The following CALCR variants were observed in gnomAD, a reference collection of about 807,000 sequenced individuals.
The protein encoded by CALCR is calcitonin receptor.
In CALCR, 47 loss-of-function variants were observed where a neutral mutation model predicts 59.5. That is an observed-to-expected ratio of 0.79 (90% CI 0.63 to 1.01). The LOEUF (loss-of-function observed/expected upper bound fraction) is 1.01, where lower values mean the gene tolerates loss of function less well. CALCR is among the 50% of genes least tolerant of loss of function. The probability of loss-of-function intolerance (pLI) is 0.00; values close to 1 mark genes in which losing one functional copy is unlikely to be tolerated. For synonymous variants in CALCR, 213 were observed against 211.3 expected (o/e 1.01, Z -0.07); for missense variants, 566 against 597.1 (o/e 0.95, Z 0.54).
At chr7:93,558,226 C>T (rs1789656303) in intron 2 of CALCR, among the ~76,000 whole-genome samples, 1 of 151,136 alleles carries the variant, frequency 6.6e-6, no homozygotes, top group South Asian at 2.1e-4. Flanking sequence ...ATCCTTCTAC[C>T]TACTGCCTTG....
At chr7:93,526,338 T>C (rs1801876563) in intron 2 of CALCR, among the ~76,000 whole-genome samples, 1 of 152,114 alleles carries the variant, frequency 6.6e-6, no homozygotes, top group African/African-American at 2.4e-5. Flanking sequence ...ATCACACTGT[T>C]ACTTGTCCTT....
chr7:93,474,024 T>C (rs937365572), intron 5 of CALCR, among the ~76,000 whole-genome samples: 4 of 151,716 alleles, frequency 2.6e-5, no homozygotes, highest in African/African-American at 9.7e-5. Flanking sequence ...TAGGCCACCA[T>C]AGCAACTACA....
chr7:93,482,616 G>A, intron 3 of CALCR: 2 of 286,592 alleles, frequency 7.0e-6, no homozygotes, highest in Non-Finnish European at 1.4e-5. Context: ...TAGGCAAATA[G>A]TATGTCCGAG....
At chr7:93,481,785 T>A (rs1800802848) in intron 3 of CALCR, among the ~76,000 whole-genome samples, 2 of 151,934 alleles carry the variant, frequency 1.3e-5, no homozygotes, top group African/African-American at 4.8e-5. Flanking sequence ...TGAATTTATG[T>A]CAGAAGAGAA....
At chr7:93,432,370 T>C (rs915562541) in intron 13 of CALCR, among the ~76,000 whole-genome samples, 7 of 152,170 alleles carry the variant, frequency 4.6e-5, no homozygotes, top group Non-Finnish European at 1.0e-4. Flanking sequence ...GTGAGTGCCC[T>C]GCCTGTGTTC....
chr7:93,571,871 G>C (rs556036080), intron 2 of CALCR, among the ~76,000 whole-genome samples: 8 of 152,086 alleles, frequency 5.3e-5, no homozygotes, highest in African/African-American at 1.9e-4. Flanking sequence ...ATTGGCACCG[G>C]GTATATGGTA....
intron 3 of CALCR, among the ~76,000 whole-genome samples, chr7:93,483,516 T>TTA (rs146844060): frequency 0.49 from 72,544 of 147,826 alleles, 18,187 homozygotes; most frequent in East Asian, 0.69. Context: ...TTTATGTATA[T>TTA]TATATATATA....
chr7:93,496,404 A>T (rs2115980908), intron 2 of CALCR, among the ~76,000 whole-genome samples: 1 of 151,652 alleles, frequency 6.6e-6, no homozygotes. Context: ...CATCTATAGA[A>T]TATCCTTTGG....
At chr7:93,564,609 C>A (rs1397582027) in intron 2 of CALCR, among the ~76,000 whole-genome samples, 1 of 152,046 alleles carries the variant, frequency 6.6e-6, no homozygotes, top group Non-Finnish European at 1.5e-5. Flanking sequence ...CACACCACTA[C>A]CCTCAGCTAA....
rs529672312 is a variant in CALCR, at chr7:93,542,160, C to T, written c.-27+32129G>A. Among the ~76,000 whole-genome samples the T allele has an allele frequency of 7.2e-4, 109 of 152,172 alleles. 1 individual carries two copies. The South Asian group carries it at 0.02, about 28-fold the overall frequency. Reference sequence around the variant, plus strand: ...AAGTTCTGAGAAACGCATCCTTGGGCGATTTTGTCATTGTGCAAATATCAC... The same window carrying T: ...AAGTTCTGAGAAACGCATCCTTGGGTGATTTTGTCATTGTGCAAATATCAC... On this transcript the variant is annotated intron_variant, in intron 2 of 13. Coordinates refer to ENST00000426151, the MANE Select transcript of CALCR (RefSeq NM_001742.4).
chr7:93,484,188 T>C (rs1367032779), intron 3 of CALCR, among the ~76,000 whole-genome samples: 3 of 151,824 alleles, frequency 2.0e-5, no homozygotes, highest in Non-Finnish European at 4.4e-5. Flanking sequence ...TTATCCACAC[T>C]AATCATGGAA....
chr7:93,492,195 T>C (rs1270462413), intron 2 of CALCR, among the ~76,000 whole-genome samples: 1 of 151,370 alleles, frequency 6.6e-6, no homozygotes, highest in Non-Finnish European at 1.5e-5. Flanking sequence ...AGTTGAACAA[T>C]GAGAACACAT....
intron 2 of CALCR, among the ~76,000 whole-genome samples, chr7:93,507,676 G>A (rs932595224): frequency 6.6e-6 from 1 of 151,018 alleles, no homozygotes; most frequent in Non-Finnish European, 1.5e-5. Context: ...GGGAGGCCGA[G>A]GTGGGTGGAT....
chr7:93,499,484 G>A (rs1801277121), intron 2 of CALCR, among the ~76,000 whole-genome samples: 2 of 151,736 alleles, frequency 1.3e-5, no homozygotes, highest in Non-Finnish European at 3.0e-5. Context: ...GGACATTCAA[G>A]GAATGGATGG....
At chr7:93,495,388 A>G (rs758913115) in intron 2 of CALCR, among the ~76,000 whole-genome samples, 2 of 151,382 alleles carry the variant, frequency 1.3e-5, no homozygotes, top group Non-Finnish European at 3.0e-5. Context: ...GGAACATAGT[A>G]AATGCTAGTA....
intron 13 of CALCR, 49 bp from the exon 14 acceptor site, chr7:93,426,638 C>A: frequency 1.0e-6 from 1 of 960,082 alleles, no homozygotes; most frequent in South Asian, 1.5e-5. Flanking sequence ...CAGAAATGAT[C>A]CATGCAAAGT....
At chr7:93,435,082 G>A (rs1188245096) in intron 12 of CALCR, among the ~76,000 whole-genome samples, 1 of 152,134 alleles carries the variant, frequency 6.6e-6, no homozygotes, top group African/African-American at 2.4e-5. Context: ...TCTGGGTAAA[G>A]GTGAATGGAA....
chr7:93,512,348 T>C (rs1801564135), intron 2 of CALCR, among the ~76,000 whole-genome samples: 1 of 152,186 alleles, frequency 6.6e-6, no homozygotes, highest in Admixed American at 6.6e-5. Context: ...GACGTGCCCA[T>C]GGTCTTTCAT....
chr7:93,460,554 TAAAAAAAAAAAAA>T (rs71537257), intron 8 of CALCR, among the ~76,000 whole-genome samples: 5 of 79,306 alleles, frequency 6.3e-5, no homozygotes, highest in African/African-American at 4.0e-4. Context: ...AGACTCTATC[TAAAAAAAAAAAAA>T]AAAAAATATA....
Sources: allele counts gnomAD v4.1 joint callset (sites outside exome capture counted in the v4.1 genomes callset), GRCh38; gene constraint gnomAD v4.1.1; transcripts MANE v1.5; gene names NCBI Gene and HGNC (gene_info 2026-07-23, HGNC 2026-07-21).